Variants in GSE1 observed in about 807,000 individuals in gnomAD.
GSE1 encodes genetic suppressor element 1.
GSE1 carries 32 observed loss-of-function variants against 112.6 expected under a neutral mutation model. That is an observed-to-expected ratio of 0.28 (90% CI 0.21 to 0.38). GSE1 has a LOEUF of 0.38. Ranked by LOEUF, GSE1 falls within the 10% of genes least tolerant of loss-of-function variation. The probability of loss-of-function intolerance (pLI) is 1.00; values close to 1 mark genes in which losing one functional copy is unlikely to be tolerated. For synonymous variants in GSE1, 1,115 were observed against 735.6 expected (o/e 1.52, Z -8.35); for missense variants, 2,348 against 1,699.2 (o/e 1.38, Z -6.71).
At chr16:85,198,317 A>G (rs917561218) in intron 1 of GSE1, among the ~76,000 whole-genome samples, 2 of 151,764 alleles carry the variant, frequency 1.3e-5, no homozygotes, top group Admixed American at 6.5e-5. Flanking sequence ...CGAGGTCAAC[A>G]GGGGATGAGA....
chr16:85,324,076 G>A (rs1051125673), intron 1 of GSE1, among the ~76,000 whole-genome samples: 5 of 152,242 alleles, frequency 3.3e-5, no homozygotes, highest in Non-Finnish European at 4.4e-5. Flanking sequence ...CGAGGACGTG[G>A]AGAAGTTGGA....
At chr16:85,512,725 C>G (rs1018593096) in intron 2 of GSE1, among the ~76,000 whole-genome samples, 2 of 152,152 alleles carry the variant, frequency 1.3e-5, no homozygotes, top group African/African-American at 4.8e-5. Context: ...TCAAAGCGCT[C>G]CCATCACCCA....
chr16:85,646,835 C>A (rs1234103489), intron 2 of GSE1, among the ~76,000 whole-genome samples: 6 of 151,844 alleles, frequency 4.0e-5, no homozygotes, highest in Non-Finnish European at 7.4e-5. Flanking sequence ...TCACTGGCAG[C>A]CCCAGCCTCT....
chr16:85,666,293 C>G lies in GSE1; in HGVS notation c.3076C>G (p.Gln1026Glu), dbSNP rs1441741967. 1.2e-6 allele frequency: 2 copies of G among 1,613,906 alleles called. No individual in the cohort carries two copies. The highest frequency in any genetic ancestry group is 1.7e-6 in the Non-Finnish European group (2 of 1,180,010). ...CTTTGTGGCAGAAGAGTTTGCACAT[C>G]AGTTCCACGAGTCAGTGCTGCAGTC... ...EPFVAEEFAH[Q>E]FHESVLQSTQ... The change falls in exon 13 of 16, where the codon CAG becomes GAG. Residue 1026 changes from glutamine (Q) to glutamate (E), a missense_variant. By Grantham distance (29) the Gln-to-Glu change is conservative. Coordinates refer to ENST00000253458, the MANE Select transcript of GSE1 (RefSeq NM_014615.5).
chr16:85,662,683 G>C (rs2052532228), intron 9 of GSE1: 4 of 415,388 alleles, frequency 9.6e-6, no homozygotes, highest in Non-Finnish European at 1.8e-5. Flanking sequence ...CACAGCCCCA[G>C]GCCTGTGTGA....
At chr16:85,491,650 A>G (rs776072269) in intron 2 of GSE1, among the ~76,000 whole-genome samples, 3 of 152,016 alleles carry the variant, frequency 2.0e-5, no homozygotes, top group Admixed American at 6.5e-5. Flanking sequence ...GGAGTCAGAC[A>G]TGATGGTGGA....
chr16:85,418,571 C>T (rs959675254), intron 2 of GSE1, among the ~76,000 whole-genome samples: 8 of 152,230 alleles, frequency 5.3e-5, no homozygotes, highest in African/African-American at 1.9e-4. Flanking sequence ...CTGCCCCTCC[C>T]AGGAGCCAGA....
intron 2 of GSE1, among the ~76,000 whole-genome samples, chr16:85,364,415 G>A (rs969159543): frequency 6.6e-6 from 1 of 152,218 alleles, no homozygotes; most frequent in Admixed American, 6.5e-5. Flanking sequence ...AAGGTGGCAC[G>A]TGCACAGGCT....
chr16:85,369,576 G>A (rs1045672522), intron 2 of GSE1, among the ~76,000 whole-genome samples: 2 of 152,178 alleles, frequency 1.3e-5, no homozygotes, highest in South Asian at 2.1e-4. Flanking sequence ...CAAGGACCCT[G>A]TGACCCCATT....
chr16:85,274,379 C>T (rs560756895), intron 1 of GSE1, among the ~76,000 whole-genome samples: 138 of 152,130 alleles, frequency 9.1e-4, no homozygotes, highest in African/African-American at 3.2e-3. Context: ...GAAACTCCAT[C>T]TCAAAAATAA....
At chr16:85,611,791 T>C (rs1233494079), upstream of GSE1, among the ~76,000 whole-genome samples, 2 of 149,604 alleles carry the variant, frequency 1.3e-5, no homozygotes. Context: ...GCCAGCGTCA[T>C]CGGGAACAGA....
chr16:85,204,401 G>T (rs1023921339), intron 1 of GSE1, among the ~76,000 whole-genome samples: 2 of 152,226 alleles, frequency 1.3e-5, no homozygotes, highest in African/African-American at 4.8e-5. Flanking sequence ...TGTGAGTAAT[G>T]CTGCTGTGAA....
At chr16:85,631,749 C>T (rs1302689332) in intron 1 of GSE1, among the ~76,000 whole-genome samples, 2 of 152,234 alleles carry the variant, frequency 1.3e-5, no homozygotes, top group African/African-American at 4.8e-5. Flanking sequence ...TGTGCTGTTA[C>T]CCCGTTTGGT....
chr16:85,665,912 G>A (rs1455209774), intron 12 of GSE1, 64 bp from the exon 13 acceptor site: 8 of 1,502,428 alleles, frequency 5.3e-6, no homozygotes, highest in African/African-American at 4.1e-5. Context: ...CAGGATCTGC[G>A]TGCTGGACAC....
chr16:85,536,072 C>T (rs1464445114), intron 2 of GSE1, among the ~76,000 whole-genome samples: 1 of 152,158 alleles, frequency 6.6e-6, no homozygotes, highest in Non-Finnish European at 1.5e-5. Flanking sequence ...CAGAAGGCCA[C>T]GAGAAAGAGA....
At chr16:85,636,325 C>T (rs2049994480) in intron 2 of GSE1, among the ~76,000 whole-genome samples, 1 of 152,214 alleles carries the variant, frequency 6.6e-6, no homozygotes, top group Non-Finnish European at 1.5e-5. Context: ...GTTTGTGGGG[C>T]TCGGAGTCTG....
chr16:85,225,215 A>G (rs1404300336), intron 1 of GSE1, among the ~76,000 whole-genome samples: 3 of 152,288 alleles, frequency 2.0e-5, no homozygotes, highest in South Asian at 4.2e-4. Context: ...ACACATACAC[A>G]AAGCTGAAGA....
At chr16:85,300,563 G>C (rs561706059) in intron 1 of GSE1, among the ~76,000 whole-genome samples, 1 of 152,316 alleles carries the variant, frequency 6.6e-6, no homozygotes, top group Non-Finnish European at 1.5e-5. Flanking sequence ...TTGGTGTCTG[G>C]CTGCTTTCAC....
At chr16:85,576,003 G>T (rs916046437) in intron 1 of GSE1, among the ~76,000 whole-genome samples, 4 of 151,960 alleles carry the variant, frequency 2.6e-5, no homozygotes, top group African/African-American at 9.7e-5. Flanking sequence ...AGCAGTGACG[G>T]GGGAGTATTA....
Sources: allele counts gnomAD v4.1 joint callset (sites outside exome capture counted in the v4.1 genomes callset), GRCh38; gene constraint gnomAD v4.1.1; transcripts MANE v1.5; gene names NCBI Gene and HGNC (gene_info 2026-07-23, HGNC 2026-07-21).